TMEFF1: variants seen among roughly 807,000 people sequenced by gnomAD.
TMEFF1 encodes tomoregulin-1.
Under a neutral mutation model 47.5 loss-of-function variants are expected in TMEFF1, and 20 were observed. The ratio of observed to expected loss-of-function variants is 0.42; its 90% confidence interval spans 0.30 to 0.61. The LOEUF (loss-of-function observed/expected upper bound fraction) is 0.61, where lower values mean the gene tolerates loss of function less well. Ranked by LOEUF, TMEFF1 falls within the 20% of genes least tolerant of loss-of-function variation. TMEFF1 has a pLI of 0.19. For synonymous variants in TMEFF1, 162 were observed against 166.3 expected (o/e 0.97, Z 0.20); for missense variants, 411 against 471.1 (o/e 0.87, Z 1.18).
Position 100,473,619 on chromosome 9 carries a change from G to A in TMEFF1, c.75G>A (p.Ser25=). ...CGCTCGCCTTCTGCTGCTACACGTC[G>A]GTGCTTCTGCTCTTCGCCTTCTCTC... is the stretch of plus-strand genomic sequence containing the variant. ...APPLAFCCYT[S]VLLLFAFSLP... is the part of the protein sequence containing the mutation. The change falls in exon 1 of 10, where the codon TCG becomes TCA. Residue 25 remains serine (S), a synonymous_variant. Coordinates refer to ENST00000374879, the MANE Select transcript of TMEFF1 (RefSeq NM_003692.5). The surrounding 1 kb of genome is among the most constrained non-coding windows in gnomAD (Gnocchi z 5.4). 6.4e-7 allele frequency: 1 copy of A among 1,559,914 alleles called. No individual in the cohort carries two copies. Among genetic ancestry groups the A allele is most frequent in the East Asian group, 2.4e-5 (1 of 41,798 alleles).
intron 8 of TMEFF1, among the ~76,000 whole-genome samples, chr9:100,564,044 A>T (rs1414678310): frequency 6.6e-6 from 1 of 152,064 alleles, no homozygotes; most frequent in Non-Finnish European, 1.5e-5. Flanking sequence ...GTTAGGTTAA[A>T]ATCTTCTAGC....
chr9:100,516,852 C>T, intron 5 of TMEFF1, 81 bp downstream of exon 5: 1 of 1,493,532 alleles, frequency 6.7e-7, no homozygotes, highest in Non-Finnish European at 8.9e-7. Flanking sequence ...GTATCATTTA[C>T]CTGGTTCTGT....
chr9:100,487,674 AGC>A (rs999700653), intron 1 of TMEFF1, among the ~76,000 whole-genome samples: 6 of 152,116 alleles, frequency 3.9e-5, no homozygotes, highest in African/African-American at 1.2e-4. Flanking sequence ...TGGTGGTTTC[AGC>A]CAGAGTAACA....
At chr9:100,486,239 A>T (rs1837445957) in intron 1 of TMEFF1, among the ~76,000 whole-genome samples, 1 of 152,144 alleles carries the variant, frequency 6.6e-6, no homozygotes, top group Admixed American at 6.6e-5. Flanking sequence ...AAATTATTTC[A>T]TTTTTCATCA....
chr9:100,509,982 G>C (rs1837932813), intron 3 of TMEFF1, among the ~76,000 whole-genome samples: 1 of 152,174 alleles, frequency 6.6e-6, no homozygotes, highest in Admixed American at 6.5e-5. Context: ...TTTGGGGATA[G>C]AGATGCCGGT....
At chr9:100,522,600 C>A (rs1838183601) in intron 5 of TMEFF1, among the ~76,000 whole-genome samples, 1 of 151,696 alleles carries the variant, frequency 6.6e-6, no homozygotes, top group Admixed American at 6.6e-5. Context: ...CCACGCCTGG[C>A]TAATTTTTGT....
At chr9:100,536,489 TTAAG>T (rs1838510894) in intron 5 of TMEFF1, among the ~76,000 whole-genome samples, 1 of 152,208 alleles carries the variant, frequency 6.6e-6, no homozygotes. Context: ...CAAGTTTTGT[TTAAG>T]TAATGGGAAA....
At chr9:100,557,386 G>T (rs1346616564) in intron 7 of TMEFF1, among the ~76,000 whole-genome samples, 3 of 152,022 alleles carry the variant, frequency 2.0e-5, no homozygotes, top group Admixed American at 1.3e-4. Flanking sequence ...GGCCTTTAGT[G>T]TCTTCCTTGT....
At position 100,547,757 on chromosome 9, in the gene TMEFF1, A is replaced by G. The variant is rs1430998721; in HGVS notation, c.574A>G (p.Ile192Val). Residue 192 changes from isoleucine to valine, a missense_variant, in exon 6 of 10, where the codon ATA becomes GTA. Physicochemically the swap from Ile to Val is conservative, Grantham distance 29. Transcript: ENST00000374879. ...CTTTTCCAACAGGTGTGTATGTAAT[A>G]TAGATTGCAGTGGATACAGTTTTAA... is the stretch of plus-strand genomic sequence containing the variant. ...DAENVGCVCNIDCSGYSFNPV... is the reference protein window; with the variant it reads ...DAENVGCVCNVDCSGYSFNPV... 3.1e-6 allele frequency: 5 copies of G among 1,588,764 alleles called. No individual in the cohort carries two copies. The highest frequency in any genetic ancestry group is 2.3e-5 in the South Asian group (2 of 86,142).
At chr9:100,560,333 A>ATAC (rs1838991392) in intron 7 of TMEFF1, among the ~76,000 whole-genome samples, 10 of 152,136 alleles carry the variant, frequency 6.6e-5, no homozygotes, top group African/African-American at 2.4e-4. Flanking sequence ...AGAGGGTAGT[A>ATAC]TACTGCAGGT....
intron 1 of TMEFF1, among the ~76,000 whole-genome samples, chr9:100,491,734 A>T (rs1306833763): frequency 2.0e-5 from 3 of 152,196 alleles, no homozygotes; most frequent in Non-Finnish European, 4.4e-5. Flanking sequence ...AGAATCTGGT[A>T]GTTATTTGGT....
At chr9:100,476,514 CCT>C (rs1406071369) in intron 1 of TMEFF1, among the ~76,000 whole-genome samples, 1 of 151,830 alleles carries the variant, frequency 6.6e-6, no homozygotes, top group Non-Finnish European at 1.5e-5. Flanking sequence ...CCTGCCTCAG[CCT>C]CCGGAGTAGC....
At chr9:100,547,212 T>A (rs1359471683) in intron 5 of TMEFF1, among the ~76,000 whole-genome samples, 1 of 151,970 alleles carries the variant, frequency 6.6e-6, no homozygotes, top group Non-Finnish European at 1.5e-5. Flanking sequence ...GATGGGGTCT[T>A]GCTTTGTTTC....
intron 1 of TMEFF1, among the ~76,000 whole-genome samples, chr9:100,489,127 T>A (rs979705548): frequency 9.8e-5 from 15 of 152,314 alleles, no homozygotes; most frequent in African/African-American, 3.1e-4. Context: ...GTGGATTTAT[T>A]TATTTTGGAT....
At chr9:100,522,912 T>C (rs1838192014) in intron 5 of TMEFF1, among the ~76,000 whole-genome samples, 3 of 151,268 alleles carry the variant, frequency 2.0e-5, no homozygotes. Flanking sequence ...TTTTTTGTAT[T>C]TTTTTTTAGT....
chr9:100,511,911 A>G (rs1837974377), intron 3 of TMEFF1, among the ~76,000 whole-genome samples: 1 of 152,208 alleles, frequency 6.6e-6, no homozygotes, highest in African/African-American at 2.4e-5. Context: ...TTATCAGAGT[A>G]GCCACAGTAT....
chr9:100,552,658 T>A (rs980760530), intron 7 of TMEFF1, among the ~76,000 whole-genome samples: 1 of 152,136 alleles, frequency 6.6e-6, no homozygotes, highest in Admixed American at 6.5e-5. Flanking sequence ...TATTTAAATT[T>A]AAATTAAAAT....
intron 1 of TMEFF1, among the ~76,000 whole-genome samples, chr9:100,474,771 C>T (rs529606140): frequency 7.2e-4 from 110 of 152,182 alleles, no homozygotes; most frequent in African/African-American, 2.6e-3. Context: ...AGGGAGTGAC[C>T]TCTCCCCTCT....
At chr9:100,495,012 T>C (rs1837625425) in intron 1 of TMEFF1, among the ~76,000 whole-genome samples, 1 of 152,124 alleles carries the variant, frequency 6.6e-6, no homozygotes, top group Admixed American at 6.5e-5. Flanking sequence ...GAAACATAAA[T>C]GAAAAAACCC....
Sources: allele counts gnomAD v4.1 joint callset (sites outside exome capture counted in the v4.1 genomes callset), GRCh38; gene constraint gnomAD v4.1.1; non-coding constraint Gnocchi (gnomAD v3.1); transcripts MANE v1.5; gene names NCBI Gene and HGNC (gene_info 2026-07-23, HGNC 2026-07-21).